ZNF839: variants seen among roughly 807,000 people sequenced by gnomAD.
The protein encoded by ZNF839 is renal carcinoma antigen NY-REN-50.
In ZNF839, 38 loss-of-function variants were observed where a neutral mutation model predicts 56.4. That is an observed-to-expected ratio of 0.67 (90% CI 0.52 to 0.88). The LOEUF (loss-of-function observed/expected upper bound fraction) is 0.88. ZNF839 is among the 40% of genes least tolerant of loss of function. The pLI is 0.00. For missense variants in ZNF839, 1,091 were observed against 1,177.6 expected (o/e 0.93, Z 1.08); for synonymous variants, 486 against 493.5 (o/e 0.98, Z 0.20).
At chr14:102,324,272 C>T (rs1178929459) in intron 1 of ZNF839, among the ~76,000 whole-genome samples, 7 of 152,126 alleles carry the variant, frequency 4.6e-5, no homozygotes, top group Non-Finnish European at 7.4e-5. Context: ...ACGCCGGGCA[C>T]GGTGGTTCAT....
At chr14:102,333,715 C>A (rs910757522) in intron 3 of ZNF839, among the ~76,000 whole-genome samples, 1 of 152,158 alleles carries the variant, frequency 6.6e-6, no homozygotes, top group African/African-American at 2.4e-5. Flanking sequence ...TCCCACGCTT[C>A]CCGTTCAGAC....
At position 102,334,545 on chromosome 14, in the gene ZNF839, C is replaced by T. The variant is rs1470961019; in HGVS notation, c.1417-9C>T. On this transcript the variant is annotated splice_polypyrimidine_tract_variant and intron_variant, in intron 3 of 7. Coordinates refer to ENST00000442396, the MANE Select transcript of ZNF839 (RefSeq NM_018335.6). Reference sequence around the variant, plus strand: ...ACATTCAAAGGCATGAAATGCTTTCCCTTGGTAGTTCCTCCAGCAGTGTGA... The same window carrying T: ...ACATTCAAAGGCATGAAATGCTTTCTCTTGGTAGTTCCTCCAGCAGTGTGA... 1.9e-6 allele frequency: 3 copies of T among 1,602,510 alleles called. No individual in the cohort carries two copies. Among genetic ancestry groups the T allele is most frequent in the Non-Finnish European group, 2.6e-6 (3 of 1,173,016 alleles).
chr14:102,317,950 G>A (rs2072945139), upstream of ZNF839, among the ~76,000 whole-genome samples: 2 of 152,200 alleles, frequency 1.3e-5, no homozygotes, highest in Admixed American at 6.5e-5. Flanking sequence ...GCCATTTTAT[G>A]TCAGGATCCG....
In ZNF839 at chr14:102,326,722, C is replaced by G; in HGVS notation, c.1026C>G (p.Asp342Glu). 1 of 1,613,084 alleles carries G rather than the reference C, an allele frequency of 6.2e-7. No individual in the cohort carries two copies. Among genetic ancestry groups the G allele is most frequent in the Non-Finnish European group, 8.5e-7 (1 of 1,179,576 alleles). Residue 342 changes from aspartate to glutamate, a missense_variant, in exon 2 of 8, where the codon GAC becomes GAG. By Grantham distance (45) the Asp-to-Glu change is conservative. Coordinates refer to ENST00000442396, the MANE Select transcript of ZNF839 (RefSeq NM_018335.6). The surrounding 1 kb of genome is among the most constrained non-coding windows in gnomAD (Gnocchi z 4.3). ...FKLNPGHGQL[D>E]PEMVLSEKAS... ...TTAACCCAGGCCACGGCCAGTTGGA[C>G]CCCGAGATGGTGCTGTCTGAGAAAG...
chr14:102,322,029 T>C (rs542861800), intron 1 of ZNF839, among the ~76,000 whole-genome samples: 3 of 152,274 alleles, frequency 2.0e-5, no homozygotes, highest in Non-Finnish European at 4.4e-5. Context: ...TCCAACATGC[T>C]GTGCCCCTTT....
chr14:102,326,150 A>G lies in ZNF839; in HGVS notation c.454A>G (p.Arg152Gly), dbSNP rs1382208153. ...CCATATCGCCAGCCCTCAGCTGCTC[A>G]GGGTACAGCCGCTTGTGAGAACCGA... ...GLHIASPQLL[R>G]VQPLVRTEPQ... The change falls in exon 2 of 8, where the codon AGG becomes GGG. Residue 152 changes from arginine to glycine, a missense_variant. By Grantham distance (125) the Arg-to-Gly change is moderately radical (BLOSUM62 -2). Transcript: ENST00000442396. This position sits in a 1 kb window ranked among gnomAD's most constrained non-coding sequence, Gnocchi z 4.3. 3.7e-6 allele frequency: 6 copies of G among 1,613,722 alleles called. No individual in the cohort carries two copies. Among genetic ancestry groups the G allele is most frequent in the African/African-American group, 2.7e-5 (2 of 74,892 alleles).
intron 3 of ZNF839, among the ~76,000 whole-genome samples, chr14:102,333,127 A>T (rs1265090562): frequency 6.6e-6 from 1 of 151,920 alleles, no homozygotes; most frequent in Non-Finnish European, 1.5e-5. Context: ...TTAATTAAAC[A>T]TTTTTGTCTT....
In ZNF839 at chr14:102,336,736, T is replaced by C. The variant is rs183038756; in HGVS notation, c.1659+898T>C. On this transcript the variant is annotated intron_variant, in intron 5 of 7. Coordinates refer to ENST00000442396, the MANE Select transcript of ZNF839 (RefSeq NM_018335.6). The stretch of plus-strand genomic sequence containing the variant: ...AAACCTCAGGTATCATTTTCTTCTT[T>C]TTTTTTTTTTGTTTTGAAACAGGGT... 31 of 329,416 alleles carry C rather than the reference T, an allele frequency of 9.4e-5. No homozygotes were observed. The East Asian group carries it at 2.5e-3, about 26-fold the overall frequency. The allele number at this position is 329,416 out of a possible 1,614,324, so 20.4% of individuals were successfully genotyped here.
chr14:102,342,129 A>G lies in ZNF839; in HGVS notation c.2734A>G (p.Ile912Val), dbSNP rs1555445222. ...PGTIVSQEED[I>V]VTVTDAEGRA... ...TACAATAGTGTCTCAGGAGGAGGAC[A>G]TTGTCACAGTGACTGATGCAGAGGG... The change falls in exon 8 of 8, where the codon ATT becomes GTT. Residue 912 changes from isoleucine (I) to valine (V), a missense_variant. Around this residue, in one of 3 missense-constraint regions of ZNF839, gnomAD observed 431 missense variants for 468.0 expected, o/e 0.92. Transcript: ENST00000442396. The G allele has an allele frequency of 3.8e-5, 62 of 1,613,794 alleles. 2 individuals carry two copies. In the South Asian group the frequency reaches 6.8e-4, roughly 18 times the overall value.
intron 1 of ZNF839, 97 bp from the exon 2 acceptor site, chr14:102,325,888 A>C: frequency 7.2e-7 from 1 of 1,391,546 alleles, no homozygotes; most frequent in Non-Finnish European, 9.8e-7. Context: ...TGTAATTTAG[A>C]AAAAATGTCA....
At chr14:102,322,306 T>G (rs1049676907) in intron 1 of ZNF839, among the ~76,000 whole-genome samples, 1 of 152,124 alleles carries the variant, frequency 6.6e-6, no homozygotes, top group Non-Finnish European at 1.5e-5. Context: ...CCCCAGGAGA[T>G]CCGATTCAGC....
At chr14:102,334,859 C>A in intron 4 of ZNF839, 1 of 218,024 alleles carries the variant, frequency 4.6e-6, no homozygotes, top group Non-Finnish European at 8.8e-6. Context: ...CCTTCCACCT[C>A]AGCCTTCCAA....
intron 2 of ZNF839, among the ~76,000 whole-genome samples, chr14:102,328,831 T>C (rs1012439988): frequency 6.6e-6 from 1 of 152,114 alleles, no homozygotes; most frequent in Admixed American, 6.6e-5. Context: ...TAAGACTGAG[T>C]AATATCTCAC....
chr14:102,324,158 C>T (rs1308443796), intron 1 of ZNF839, among the ~76,000 whole-genome samples: 1 of 152,092 alleles, frequency 6.6e-6, no homozygotes, highest in Non-Finnish European at 1.5e-5. Flanking sequence ...GCTTTGTTGT[C>T]GCTTCCAGAA....
chr14:102,319,736 A>T, upstream of ZNF839: 3 of 1,226,778 alleles, frequency 2.4e-6, no homozygotes, highest in Non-Finnish European at 3.0e-6. This position sits in a 1 kb window ranked among gnomAD's most constrained non-coding sequence, Gnocchi z 4.5. Context: ...TCGCTCAGCG[A>T]CCCGGGTTCG....
At chr14:102,333,116 C>T (rs2073861492) in intron 3 of ZNF839, among the ~76,000 whole-genome samples, 1 of 152,108 alleles carries the variant, frequency 6.6e-6, no homozygotes, top group South Asian at 2.1e-4. Flanking sequence ...TTTTGAAAGT[C>T]TTAATTAAAC....
chr14:102,323,432 C>T (rs965582596), intron 1 of ZNF839, among the ~76,000 whole-genome samples: 6 of 152,220 alleles, frequency 3.9e-5, no homozygotes, highest in Admixed American at 6.5e-5. Flanking sequence ...TTTGCTTCCC[C>T]GTCCTTCTCC....
At chr14:102,318,822 G>A (rs2072977482), upstream of ZNF839, among the ~76,000 whole-genome samples, 1 of 152,182 alleles carries the variant, frequency 6.6e-6, no homozygotes, top group African/African-American at 2.4e-5. Flanking sequence ...ATACTGTGCT[G>A]CAAATGCCAG....
chr14:102,319,942 C>A lies in ZNF839; in HGVS notation c.177C>A (p.Pro59=), dbSNP rs905734971. The change falls in exon 1 of 8, where the codon CCC becomes CCA. Residue 59 remains proline (P), a synonymous_variant. Coordinates refer to ENST00000442396, the MANE Select transcript of ZNF839 (RefSeq NM_018335.6). The surrounding 1 kb of genome is among the most constrained non-coding windows in gnomAD (Gnocchi z 4.5). The stretch of plus-strand genomic sequence containing the variant: ...CGCAGCCGCCGCCGCCGCCGCCCCC[C>A]TTCGTGCTGCGGGACGCGGCGCGGC... ...TKAQPPPPPP[P]FVLRDAARRL... is the part of the protein sequence containing the mutation. 2 of 1,196,046 alleles carry A rather than the reference C, an allele frequency of 1.7e-6. No homozygotes were observed. The highest frequency in any genetic ancestry group is 2.1e-6 in the Non-Finnish European group (2 of 965,104). 74.1% of individuals were successfully genotyped at this position (1,196,046 alleles called of 1,614,324 possible).
Sources: gnomAD v4.1 joint callset for allele counts (sites outside exome capture counted in the v4.1 genomes callset) on GRCh38, gnomAD v4.1.1 for gene constraint, gnomAD v4.1.1 regional missense constraint, Gnocchi (gnomAD v3.1) non-coding constraint, MANE v1.5 for transcripts, NCBI Gene and HGNC (gene_info 2026-07-23, HGNC 2026-07-21) for gene names.